LRPPRC: variants seen among roughly 807,000 people sequenced by gnomAD.
The protein encoded by LRPPRC is leucine-rich PPR motif-containing protein, mitochondrial.
Under a neutral mutation model 180.3 loss-of-function variants are expected in LRPPRC, and 120 were observed. That is an observed-to-expected ratio of 0.67 (90% confidence interval 0.57 to 0.77). The LOEUF (loss-of-function observed/expected upper bound fraction) is 0.77, where lower values mean the gene tolerates loss of function less well. LRPPRC is among the 30% of genes least tolerant of loss of function. LRPPRC has a pLI of 0.00. For missense variants in LRPPRC, 2,012 were observed against 1,657.2 expected (o/e 1.21, Z -3.72); for synonymous variants, 723 against 600.0 (o/e 1.21, Z -3.00).
chr2:43,936,719 A>G (rs938974375), intron 23 of LRPPRC, among the ~76,000 whole-genome samples: 6 of 152,108 alleles, frequency 3.9e-5, no homozygotes, highest in African/African-American at 1.4e-4. Flanking sequence ...CCCCTTACTA[A>G]GCCCTGTTTA....
At chr2:43,967,135 A>G (rs10195247) in intron 11 of LRPPRC, among the ~76,000 whole-genome samples, 49,892 of 152,030 alleles carry the variant, frequency 0.33, 9,490 homozygotes, top group Non-Finnish European at 0.44. Flanking sequence ...GAGATGGCTC[A>G]TGCTTGTAAT....
rs771473230 is a variant in LRPPRC at position 43,982,289 on chromosome 2, G to A, written c.295C>T (p.Arg99Cys). The A allele has an allele frequency of 4.3e-5, 68 of 1,583,490 alleles. No homozygotes were observed. The highest frequency in any genetic ancestry group is 3.4e-4 in the South Asian group (29 of 86,200). ...RLDLSVRRTG[R>C]IPKKLLQKVF... is the part of the protein sequence containing the mutation. ...TTTTGTAGAAGCTTCTTTGGAATGC[G>A]GCCAGTTCTTCGAACAGAAAGATCT... is the stretch of plus-strand genomic sequence containing the variant. The change falls in exon 2 of 38, where the codon CGC (arginine) becomes TGC (cysteine). Residue 99 changes from arginine to cysteine, a missense_variant. Coordinates refer to ENST00000260665, the MANE Select transcript of LRPPRC (RefSeq NM_133259.4).
At chr2:43,939,213 G>A (rs371299849) in intron 23 of LRPPRC, among the ~76,000 whole-genome samples, 2 of 151,856 alleles carry the variant, frequency 1.3e-5, no homozygotes, top group Non-Finnish European at 2.9e-5. Context: ...CCCAGGAGGC[G>A]GAGCTTGCAG....
chr2:43,984,361 A>G (rs868159378), intron 1 of LRPPRC, among the ~76,000 whole-genome samples: 74 of 152,338 alleles, frequency 4.9e-4, no homozygotes, highest in African/African-American at 1.7e-3. Context: ...CCGCTACAGG[A>G]TATTTTTTAA....
rs145814694 is a variant in LRPPRC, at chr2:43,950,947, G to A, written c.1650-347C>T. ...TAGCCGGGAGTGTTGGTGTATGCCT[G>A]TAATCCAGGCTACTCGGGAGGCTGA... On this transcript the variant is annotated intron_variant, in intron 14 of 37. Transcript: ENST00000260665. Among the ~76,000 whole-genome samples the A allele has an allele frequency of 2.0e-3, 311 of 152,312 alleles. 2 individuals carry two copies. The highest frequency in any genetic ancestry group is 2.3e-3 in the Non-Finnish European group (156 of 68,028).
Position 43,967,186 on chromosome 2 carries a change from C to T in LRPPRC, c.1370-3480G>A, listed in dbSNP as rs1572557384. ...AGCCAAGGTGGGAGGATTGCTTGAACCCAGGAATTTGAGACCAGCCTAGGC... is the reference window on the plus strand; with the variant it reads ...AGCCAAGGTGGGAGGATTGCTTGAATCCAGGAATTTGAGACCAGCCTAGGC... On this transcript the variant is annotated intron_variant, in intron 11 of 37. Transcript: ENST00000260665. Among the ~76,000 whole-genome samples the T allele has an allele frequency of 1.3e-5, 2 of 152,160 alleles. 1 individual carries two copies. The highest frequency in any genetic ancestry group is 1.3e-4 in the Admixed American group (2 of 15,274).
intron 1 of LRPPRC, among the ~76,000 whole-genome samples, chr2:43,992,422 C>T (rs928537158): frequency 6.6e-6 from 1 of 152,164 alleles, no homozygotes; most frequent in African/African-American, 2.4e-5. Flanking sequence ...ACGGCTAGAA[C>T]GCAGGATGCC....
At chr2:43,914,722 C>T (rs1424384329) in intron 29 of LRPPRC, among the ~76,000 whole-genome samples, 1 of 151,610 alleles carries the variant, frequency 6.6e-6, no homozygotes, top group East Asian at 1.9e-4. Context: ...GAGCAACATT[C>T]TGCCTCAAAA....
chr2:43,960,513 A>C (rs62135104), intron 13 of LRPPRC, 28 bp downstream of exon 13: 2 of 1,174,884 alleles, frequency 1.7e-6, no homozygotes, highest in East Asian at 4.7e-5. Context: ...AACATCTATC[A>C]AGTTTACCGC....
rs771590880 is a variant in LRPPRC, at chr2:43,896,731, G to GT, written c.3826-24dup. On this transcript the variant is annotated intron_variant, in intron 34 of 37. Transcript: ENST00000260665. Reference sequence around the variant, plus strand: ...TCTCTAAAAATTAAAACATTATTCAGTAAGTGAAGGTTTCTGATAAACAAG... The same window carrying GT: ...TCTCTAAAAATTAAAACATTATTCAGTTAAGTGAAGGTTTCTGATAAACAAG... The GT allele has an allele frequency of 4.3e-6, 6 of 1,385,228 alleles. No individual in the cohort carries two copies. The Admixed American group carries it at 8.4e-5, about 19-fold the overall frequency. 85.8% of individuals were successfully genotyped at this position (1,385,228 alleles called of 1,614,324 possible).
chr2:43,912,586 G>C, intron 29 of LRPPRC, 28 bp from the exon 30 acceptor site: 1 of 1,591,908 alleles, frequency 6.3e-7, no homozygotes, highest in Non-Finnish European at 8.6e-7. Flanking sequence ...CAAAAAAAAT[G>C]AGATGACATT....
At chr2:43,967,094 A>C (rs550004020) in intron 11 of LRPPRC, among the ~76,000 whole-genome samples, 213 of 151,962 alleles carry the variant, frequency 1.4e-3, no homozygotes, top group Non-Finnish European at 1.8e-3. Context: ...ATGACTTCAC[A>C]ATGTGTACAC....
In LRPPRC at chr2:43,974,644, T is replaced by C. The variant is rs1673968481; in HGVS notation, c.979A>G (p.Lys327Glu). The stretch of plus-strand genomic sequence containing the variant: ...ATATATCTTCTTTCACATGTAACTT[T>C]TTCCAAAATTTCTGAGACATACTGA... The part of the protein sequence containing the change: ...YPQYVSEILE[K>E]VTCERRYIPD... The change falls in exon 8 of 38, where the codon AAA becomes GAA. Residue 327 changes from lysine to glutamate, a missense_variant. Lys to Glu is a moderately conservative substitution (Grantham distance 56). Transcript: ENST00000260665. The C allele has an allele frequency of 6.2e-7, 1 of 1,607,334 alleles. No homozygotes were observed. The highest frequency in any genetic ancestry group is 1.3e-5 in the African/African-American group (1 of 74,802).
At chr2:43,986,024 A>G (rs1392089373) in intron 1 of LRPPRC, among the ~76,000 whole-genome samples, 2 of 152,016 alleles carry the variant, frequency 1.3e-5, no homozygotes, top group Non-Finnish European at 2.9e-5. Context: ...GTGGTATCTC[A>G]TTGTTGTTTT....
chr2:43,991,202 T>C (rs1365782401), intron 1 of LRPPRC, among the ~76,000 whole-genome samples: 1 of 151,986 alleles, frequency 6.6e-6, no homozygotes, highest in African/African-American at 2.4e-5. Flanking sequence ...ATTTTGTTTT[T>C]GTATTTTTAG....
intron 23 of LRPPRC, among the ~76,000 whole-genome samples, chr2:43,940,628 C>T (rs1251206749): frequency 1.3e-5 from 2 of 152,092 alleles, no homozygotes; most frequent in Non-Finnish European, 2.9e-5. Context: ...CAACATAATC[C>T]AGTTAAACAG....
intron 3 of LRPPRC, among the ~76,000 whole-genome samples, chr2:43,978,127 A>T (rs2103729360): frequency 6.6e-6 from 1 of 152,232 alleles, no homozygotes; most frequent in Non-Finnish European, 1.5e-5. Context: ...CAAACTTCAC[A>T]ACAACTTTGA....
rs769306744 is a variant in LRPPRC, at chr2:43,887,763, T to C, written c.*837A>G. 6.6e-6 allele frequency: 1 copy of C among 152,252 alleles called. No homozygotes were observed. Among genetic ancestry groups the C allele is most frequent in the South Asian group, 2.1e-4 (1 of 4,834 alleles). The allele number at this position is 152,252 out of a possible 1,614,324, so 9.4% of individuals were successfully genotyped here. ...TGAGATTCAATATAGGGATCACTTT[T>C]ATTTCAAACAATTAAATACAAACCA... On this transcript the variant is annotated 3_prime_UTR_variant, in exon 38 of 38. Coordinates refer to ENST00000260665, the MANE Select transcript of LRPPRC (RefSeq NM_133259.4).
At chr2:43,959,325 T>C (rs1259302684) in intron 13 of LRPPRC, 1 of 647,044 alleles carries the variant, frequency 1.5e-6, no homozygotes, top group Non-Finnish European at 2.8e-6. Flanking sequence ...CCATTTTTCA[T>C]ACTGGACACT....
Sources: allele counts gnomAD v4.1 joint callset (sites outside exome capture counted in the v4.1 genomes callset), GRCh38; gene constraint gnomAD v4.1.1; transcripts MANE v1.5; gene names NCBI Gene and HGNC (gene_info 2026-07-23, HGNC 2026-07-21).